Variants in GABRR2 observed in about 807,000 individuals in gnomAD.
GABRR2 encodes gamma-aminobutyric acid type A receptor subunit rho2, also known as gamma-aminobutyric acid receptor subunit rho-2.
In GABRR2, 36 loss-of-function variants were observed where a neutral mutation model predicts 47.0. The observed-to-expected ratio is 0.77, with a 90% CI of 0.59 to 1.01. The LOEUF is 1.01. Among genes scored for constraint, GABRR2 ranks in the 50% least tolerant of loss-of-function variants. The pLI is 0.00. For synonymous variants in GABRR2, 204 were observed against 227.5 expected (o/e 0.90, Z 0.93); for missense variants, 587 against 594.6 (o/e 0.99, Z 0.13).
intron 2 of GABRR2, among the ~76,000 whole-genome samples, chr6:89,282,363 C>T (rs1774266178): frequency 6.6e-6 from 1 of 152,162 alleles, no homozygotes; most frequent in Non-Finnish European, 1.5e-5. Flanking sequence ...ATTAGGAATT[C>T]CTCTTCAGGT....
chr6:89,301,938 C>T, intron 1 of GABRR2: 1 of 984,098 alleles, frequency 1.0e-6, no homozygotes, highest in East Asian at 2.4e-5. Context: ...TCTACTACAA[C>T]GAGGCCTCTT....
At chr6:89,306,074 A>AT (rs11427317) in intron 1 of GABRR2, among the ~76,000 whole-genome samples, 53,141 of 148,540 alleles carry the variant, frequency 0.36, 10,418 homozygotes, top group African/African-American at 0.54. Flanking sequence ...GAAGATCATG[A>AT]TTTTTTTTTT....
At chr6:89,283,511 A>C (rs867729333) in intron 2 of GABRR2, among the ~76,000 whole-genome samples, 7 of 152,256 alleles carry the variant, frequency 4.6e-5, no homozygotes, top group Non-Finnish European at 1.0e-4. Flanking sequence ...TAAGTAAAAA[A>C]AACCAATGTA....
intron 1 of GABRR2, among the ~76,000 whole-genome samples, chr6:89,312,626 T>C (rs542375446): frequency 6.6e-6 from 1 of 152,344 alleles, no homozygotes; most frequent in East Asian, 1.9e-4. Context: ...GTCATTTTCT[T>C]ATTTGTTCGT....
rs1252585194 is a variant in GABRR2 at position 89,292,810 on chromosome 6, TACGATATATCGTATATATCG to T, written c.220+6929_220+6948del. Among the ~76,000 whole-genome samples the T allele has an allele frequency of 1.8e-4, 4 of 22,128 alleles. 1 individual carries two copies. The South Asian group carries it at 4.2e-3, about 23-fold the overall frequency. 14.5% of individuals were successfully genotyped at this position (22,128 alleles called of 152,430 possible). ...TACGATATATCGTATATATCGTATA[TACGATATATCGTATATATCG>T]TATATACGATATATCGTATATATCA... On this transcript the variant is annotated intron_variant, in intron 2 of 8. Coordinates refer to ENST00000402938, the MANE Select transcript of GABRR2 (RefSeq NM_002043.5).
chr6:89,300,207 A>G (rs1179857444), intron 1 of GABRR2, among the ~76,000 whole-genome samples: 2 of 152,180 alleles, frequency 1.3e-5, no homozygotes, highest in Non-Finnish European at 2.9e-5. Flanking sequence ...CAAAATAAAC[A>G]CAATTAGAAA....
At chr6:89,306,819 GAA>G (rs1234558968) in intron 1 of GABRR2, among the ~76,000 whole-genome samples, 1 of 151,824 alleles carries the variant, frequency 6.6e-6, no homozygotes, top group East Asian at 1.9e-4. Flanking sequence ...GAAGGAAAGA[GAA>G]AAAAAGAAAA....
Position 89,257,828 on chromosome 6 carries a change from T to G in GABRR2, c.1240A>C (p.Ser414Arg). Reference protein sequence around the residue: ...QDKIVVHLGLSGEANAARKKG... With the variant: ...QDKIVVHLGLRGEANAARKKG... ...TTTCTGGCAGCGTTGGCTTCACCAC[T>G]CAGGCCCAGGTGGACCACTATTTTG... is the stretch of plus-strand genomic sequence containing the variant. Residue 414 changes from serine (S) to arginine (R), a missense_variant, in exon 9 of 9, where the codon AGT becomes CGT. Physicochemically the swap from Ser to Arg is moderately radical, Grantham distance 110. Transcript: ENST00000402938. 6.2e-7 allele frequency: 1 copy of G among 1,614,090 alleles called. No homozygotes were observed. Among genetic ancestry groups the G allele is most frequent in the Non-Finnish European group, 8.5e-7 (1 of 1,179,908 alleles).
chr6:89,274,966 C>G (rs1774132917), intron 2 of GABRR2, among the ~76,000 whole-genome samples: 1 of 152,096 alleles, frequency 6.6e-6, no homozygotes, highest in Non-Finnish European at 1.5e-5. Flanking sequence ...GGCAGTGTAG[C>G]CAGTTAGGTG....
At chr6:89,271,382 G>A (rs1774045935) in intron 3 of GABRR2, among the ~76,000 whole-genome samples, 1 of 152,156 alleles carries the variant, frequency 6.6e-6, no homozygotes, top group African/African-American at 2.4e-5. Context: ...CATTATTTGT[G>A]GAGTGTGTTG....
At chr6:89,310,245 C>T (rs1489618661) in intron 1 of GABRR2, among the ~76,000 whole-genome samples, 1 of 152,136 alleles carries the variant, frequency 6.6e-6, no homozygotes, top group Non-Finnish European at 1.5e-5. Context: ...AGGCTGCTGG[C>T]ACCGCCTCAC....
intron 8 of GABRR2, among the ~76,000 whole-genome samples, chr6:89,262,462 T>C (rs780425819): frequency 5.3e-5 from 8 of 152,174 alleles, no homozygotes; most frequent in Non-Finnish European, 1.0e-4. Context: ...TCCAGGTCTT[T>C]ACAGGAGGCT....
intron 3 of GABRR2, among the ~76,000 whole-genome samples, chr6:89,270,725 G>T (rs1378995249): frequency 6.6e-6 from 1 of 152,134 alleles, no homozygotes. Flanking sequence ...ATTGCAAGTG[G>T]GATGCAGTGC....
chr6:89,306,249 T>C (rs6942204), intron 1 of GABRR2, among the ~76,000 whole-genome samples: 55,740 of 151,554 alleles, frequency 0.37, 11,304 homozygotes, highest in African/African-American at 0.54. Context: ...TGATGGCATA[T>C]GCCTCTGGTC....
At chr6:89,267,574 A>T in intron 6 of GABRR2, 105 bp downstream of exon 6, 2 of 1,215,414 alleles carry the variant, frequency 1.6e-6, no homozygotes, top group Non-Finnish European at 2.3e-6. Context: ...CTCAAAACAA[A>T]AAACAAAACA....
chr6:89,308,675 G>C (rs1248751783), intron 1 of GABRR2, among the ~76,000 whole-genome samples: 1 of 152,016 alleles, frequency 6.6e-6, no homozygotes, highest in East Asian at 1.9e-4. Context: ...ACCCGCTTGA[G>C]GGCTCAGGAA....
intron 2 of GABRR2, among the ~76,000 whole-genome samples, chr6:89,283,184 T>C (rs1158889690): frequency 1.5e-5 from 2 of 130,802 alleles, no homozygotes; most frequent in Non-Finnish European, 1.6e-5. Context: ...CATTTTTCTA[T>C]TGGATTTTAA....
At chr6:89,283,233 A>G (rs1422961601) in intron 2 of GABRR2, among the ~76,000 whole-genome samples, 1 of 151,344 alleles carries the variant, frequency 6.6e-6, no homozygotes. Context: ...TTTGCCAAGG[A>G]TTCTTGTCAT....
At chr6:89,267,973 A>G (rs376939941) in intron 5 of GABRR2, 41 bp downstream of exon 5, 14 of 1,593,518 alleles carry the variant, frequency 8.8e-6, no homozygotes, top group Admixed American at 8.4e-5. Context: ...CAAAGATCAG[A>G]GAGGAAAGAA....
Sources: gnomAD v4.1 joint callset for allele counts (sites outside exome capture counted in the v4.1 genomes callset) on GRCh38, gnomAD v4.1.1 for gene constraint, MANE v1.5 for transcripts, NCBI Gene and HGNC (gene_info 2026-07-23, HGNC 2026-07-21) for gene names.